Variants in MCTP2 observed in about 807,000 individuals in gnomAD.
MCTP2 encodes the protein multiple C2 and transmembrane domain-containing protein 2.
Under a neutral mutation model 111.6 loss-of-function variants are expected in MCTP2, and 132 were observed. The observed-to-expected ratio is 1.18, with a 90% CI of 1.03 to 1.37. The LOEUF (loss-of-function observed/expected upper bound fraction) is 1.37. Among genes scored for constraint, MCTP2 ranks in the 40% most tolerant of loss-of-function variants. The pLI, the probability that MCTP2 is intolerant of heterozygous loss-of-function variation, is 0.00. For synonymous variants in MCTP2, 395 were observed against 387.7 expected, an observed-to-expected ratio of 1.02 and a Z score of -0.22; for missense variants, 1,183 against 1,067.9, an observed-to-expected ratio of 1.11 and a Z score of -1.50.
chr15:94,321,827 G>T (rs369617101), intron 4 of MCTP2, among the ~76,000 whole-genome samples: 3 of 152,126 alleles, frequency 2.0e-5, no homozygotes, highest in Admixed American at 2.0e-4. Context: ...TAAACAGCCC[G>T]TTGGCATATA....
At chr15:94,273,278 T>G (rs1341670506) in intron 1 of MCTP2, among the ~76,000 whole-genome samples, 1 of 152,184 alleles carries the variant, frequency 6.6e-6, no homozygotes, top group Non-Finnish European at 1.5e-5. Flanking sequence ...ACTGCAGAAT[T>G]AACCATGTGC....
chr15:94,239,876 A>G (rs1203522265), intron 1 of MCTP2, among the ~76,000 whole-genome samples: 1 of 152,230 alleles, frequency 6.6e-6, no homozygotes. Context: ...ATGTTTGATC[A>G]GATAGGTGTG....
At chr15:94,317,060 T>A (rs1297440811) in intron 4 of MCTP2, among the ~76,000 whole-genome samples, 1 of 152,204 alleles carries the variant, frequency 6.6e-6, no homozygotes, top group Non-Finnish European at 1.5e-5. Flanking sequence ...CATTGTACTG[T>A]TCTGTTTACC....
intron 4 of MCTP2, among the ~76,000 whole-genome samples, chr15:94,319,082 G>A (rs2076512582): frequency 7.0e-6 from 1 of 142,352 alleles, no homozygotes; most frequent in Non-Finnish European, 1.5e-5. Context: ...ATTGTTATCT[G>A]TTAAGAAAAT....
intron 14 of MCTP2, among the ~76,000 whole-genome samples, chr15:94,388,801 T>C (rs2080680637): frequency 6.6e-6 from 1 of 152,230 alleles, no homozygotes; most frequent in Non-Finnish European, 1.5e-5. Context: ...GAAAGGATCC[T>C]GTAGCTAGTA....
chr15:94,365,327 A>G (rs2079128940), intron 10 of MCTP2, among the ~76,000 whole-genome samples: 1 of 152,242 alleles, frequency 6.6e-6, no homozygotes, highest in Non-Finnish European at 1.5e-5. Flanking sequence ...TATCTAAACT[A>G]CAAATGGCTA....
At chr15:94,292,004 A>T (rs551475866) in intron 1 of MCTP2, among the ~76,000 whole-genome samples, 10 of 152,330 alleles carry the variant, frequency 6.6e-5, no homozygotes, top group African/African-American at 2.2e-4. Context: ...CCTGTAGATT[A>T]CCACCCTCTG....
intron 17 of MCTP2, chr15:94,402,553 T>C: frequency 6.4e-7 from 1 of 1,551,724 alleles, no homozygotes; most frequent in Non-Finnish European, 8.7e-7. Flanking sequence ...GGCCCATCCT[T>C]ATGAGCATAA....
At chr15:94,267,579 G>A (rs1034091302) in intron 1 of MCTP2, among the ~76,000 whole-genome samples, 3 of 152,114 alleles carry the variant, frequency 2.0e-5, no homozygotes, top group Non-Finnish European at 4.4e-5. Context: ...ACTCCTGTGA[G>A]ATTGCTGGAT....
chr15:94,289,242 A>T (rs1465464889), intron 1 of MCTP2, among the ~76,000 whole-genome samples: 1 of 152,234 alleles, frequency 6.6e-6, no homozygotes, highest in African/African-American at 2.4e-5. Context: ...CAGAGCAATG[A>T]TAACTGATAT....
In MCTP2 at chr15:94,340,207, T is replaced by C; in HGVS notation, c.789T>C (p.Asp263=). Residue 263 remains aspartate, a synonymous_variant, in exon 6 of 23, where the codon GAT becomes GAC. Coordinates refer to ENST00000357742, the MANE Select transcript of MCTP2 (RefSeq NM_001385001.1). The part of the protein sequence containing the change: ...LDQKLRVKVY[D]RDLTTSDFMG... ...CTCTGTCCTCTTTGTAGGTATATGA[T>C]CGAGATTTAACCACATCTGATTTCA... is the stretch of plus-strand genomic sequence containing the variant. 2 of 1,611,928 alleles carry C rather than the reference T, an allele frequency of 1.2e-6. No individual in the cohort carries two copies. The highest frequency in any genetic ancestry group is 1.7e-6 in the Non-Finnish European group (2 of 1,178,232).
chr15:94,386,720 G>A (rs1186843208), intron 14 of MCTP2, among the ~76,000 whole-genome samples: 1 of 152,162 alleles, frequency 6.6e-6, no homozygotes, highest in Non-Finnish European at 1.5e-5. Flanking sequence ...CTTTAGAGAG[G>A]TCTGGGGGAC....
chr15:94,452,578 C>T (rs891435948), intron 19 of MCTP2, among the ~76,000 whole-genome samples: 1 of 152,092 alleles, frequency 6.6e-6, no homozygotes, highest in African/African-American at 2.4e-5. Context: ...ATTTATTTCT[C>T]CATCAAACAA....
chr15:94,402,721 C>A, intron 17 of MCTP2: 2 of 1,441,798 alleles, frequency 1.4e-6, no homozygotes, highest in Non-Finnish European at 1.8e-6. Flanking sequence ...TGTCCTTGAT[C>A]AAATTGGTAA....
rs565720694 is a variant in MCTP2, at chr15:94,298,782, T to C, written c.465+52T>C. 3.9e-4 allele frequency: 431 copies of C among 1,094,806 alleles called. 1 individual carries two copies. In the South Asian group the frequency reaches 6.2e-3, roughly 16 times the overall value. 67.8% of individuals were successfully genotyped at this position (1,094,806 alleles called of 1,614,324 possible). ...TTTTTGTCTCTCTCTCTCTCTCTCT[T>C]TCCCTCTCTTTCTCCCTCTCTCCCC... On this transcript the variant is annotated intron_variant, in intron 2 of 22. Transcript: ENST00000357742.
chr15:94,254,223 T>C (rs374295798), intron 1 of MCTP2, among the ~76,000 whole-genome samples: 21 of 152,354 alleles, frequency 1.4e-4, no homozygotes, highest in African/African-American at 4.6e-4. Flanking sequence ...GATGCACTAA[T>C]AATTATTATA....
intron 1 of MCTP2, among the ~76,000 whole-genome samples, chr15:94,288,841 A>G (rs2074894590): frequency 1.3e-5 from 2 of 152,314 alleles, no homozygotes; most frequent in East Asian, 1.9e-4. Context: ...GAACTGAAAA[A>G]TACAATAGCT....
At chr15:94,303,513 A>G (rs1027684016) in intron 2 of MCTP2, among the ~76,000 whole-genome samples, 45 of 152,166 alleles carry the variant, frequency 3.0e-4, no homozygotes, top group African/African-American at 1.0e-3. Flanking sequence ...ACCCAGGATC[A>G]ATATTTTATA....
At chr15:94,280,050 TTTG>T (rs2074400986) in intron 1 of MCTP2, among the ~76,000 whole-genome samples, 1 of 151,924 alleles carries the variant, frequency 6.6e-6, no homozygotes, top group African/African-American at 2.4e-5. Context: ...ACCTGAAGCT[TTTG>T]TTGTTGTTGT....
Sources: allele counts gnomAD v4.1 joint callset (sites outside exome capture counted in the v4.1 genomes callset), GRCh38; gene constraint gnomAD v4.1.1; transcripts MANE v1.5; gene names NCBI Gene and HGNC (gene_info 2026-07-23, HGNC 2026-07-21).